RYR2: variants seen among roughly 807,000 people sequenced by gnomAD.
The protein encoded by RYR2 is cardiac muscle ryanodine receptor-calcium release channel.
Under a neutral mutation model 601.1 loss-of-function variants are expected in RYR2, and 227 were observed. That is an observed-to-expected ratio of 0.38 (90% CI 0.34 to 0.42). The LOEUF is 0.42. Among genes scored for constraint, RYR2 ranks in the 10% least tolerant of loss-of-function variants. The probability of loss-of-function intolerance (pLI) is 1.00; values close to 1 mark genes in which losing one functional copy is unlikely to be tolerated. For missense variants in RYR2, 4,646 were observed against 6,156.5 expected, an observed-to-expected ratio of 0.75 and a Z score of 8.21; for synonymous variants, 2,223 against 2,175.1, an observed-to-expected ratio of 1.02 and a Z score of -0.61.
At chr1:237,563,612 C>G (rs971394746) in intron 27 of RYR2, among the ~76,000 whole-genome samples, 3 of 152,028 alleles carry the variant, frequency 2.0e-5, no homozygotes, top group Admixed American at 6.6e-5. Context: ...GACTCAGAAA[C>G]TCTGCATTGT....
At chr1:237,687,536 G>T in intron 63 of RYR2, 32 bp downstream of exon 63, 1 of 1,563,728 alleles carries the variant, frequency 6.4e-7, no homozygotes, top group South Asian at 1.1e-5. Flanking sequence ...TACAAGCATG[G>T]CCATCACTTG....
chr1:237,089,731 CGT>C (rs1331800768), intron 1 of RYR2, among the ~76,000 whole-genome samples: 2 of 152,152 alleles, frequency 1.3e-5, no homozygotes, highest in East Asian at 3.9e-4. Flanking sequence ...GTGTATCCCA[CGT>C]GATGCTGAAA....
intron 1 of RYR2, among the ~76,000 whole-genome samples, chr1:237,200,904 T>C (rs573987560): frequency 6.6e-6 from 1 of 152,314 alleles, no homozygotes; most frequent in East Asian, 1.9e-4. Flanking sequence ...GTTGTTTGCT[T>C]AGGAGTCTCA....
intron 34 of RYR2, among the ~76,000 whole-genome samples, chr1:237,598,909 G>A (rs1086690): frequency 0.35 from 52,915 of 152,012 alleles, 11,026 homozygotes; most frequent in Admixed American, 0.48. Context: ...GACAAAGAAA[G>A]AGATGACTCA....
intron 24 of RYR2, among the ~76,000 whole-genome samples, chr1:237,525,955 G>T (rs191258204): frequency 6.8e-6 from 1 of 146,272 alleles, no homozygotes; most frequent in Admixed American, 7.2e-5. Flanking sequence ...ACTCCAGCCT[G>T]GGTGACAAGA....
At chr1:237,328,967 T>C (rs983408072) in intron 2 of RYR2, among the ~76,000 whole-genome samples, 14 of 152,312 alleles carry the variant, frequency 9.2e-5, no homozygotes, top group African/African-American at 2.4e-4. Context: ...AGATCCTCCA[T>C]TGAACATTTG....
chr1:237,226,804 T>C (rs1417371184), intron 1 of RYR2, among the ~76,000 whole-genome samples: 1 of 152,166 alleles, frequency 6.6e-6, no homozygotes, highest in African/African-American at 2.4e-5. Context: ...AGTCTCACTC[T>C]GTCACCCAGG....
At chr1:237,226,002 C>G (rs1305496745) in intron 1 of RYR2, among the ~76,000 whole-genome samples, 1 of 150,266 alleles carries the variant, frequency 6.7e-6, no homozygotes, top group Non-Finnish European at 1.5e-5. Context: ...TTGCAGTGAG[C>G]AGAGATTGTG....
chr1:237,279,744 C>T (rs1690663480), intron 2 of RYR2, among the ~76,000 whole-genome samples: 1 of 152,054 alleles, frequency 6.6e-6, no homozygotes, highest in Non-Finnish European at 1.5e-5. Flanking sequence ...CAGTGCTGCC[C>T]CTACAAAAGG....
At chr1:237,576,040 G>A (rs1209379052) in intron 29 of RYR2, among the ~76,000 whole-genome samples, 1 of 152,078 alleles carries the variant, frequency 6.6e-6, no homozygotes, top group Non-Finnish European at 1.5e-5. Flanking sequence ...CTAACAGAAG[G>A]TATATAATAC....
chr1:237,359,814 A>G (rs1245262577), intron 4 of RYR2, among the ~76,000 whole-genome samples: 1 of 152,198 alleles, frequency 6.6e-6, no homozygotes, highest in Admixed American at 6.5e-5. Context: ...TGAGTACTGG[A>G]TAAGAAAGTA....
At chr1:237,322,023 C>A (rs976574052) in intron 2 of RYR2, among the ~76,000 whole-genome samples, 1 of 152,122 alleles carries the variant, frequency 6.6e-6, no homozygotes, top group Non-Finnish European at 1.5e-5. Flanking sequence ...AAAAACCTAG[C>A]AATTTAATTT....
chr1:237,250,541 G>A (rs1222988870), intron 1 of RYR2, among the ~76,000 whole-genome samples: 1 of 152,092 alleles, frequency 6.6e-6, no homozygotes, highest in East Asian at 1.9e-4. Flanking sequence ...TGTCCTGGCA[G>A]TCCTCCCTTT....
intron 1 of RYR2, among the ~76,000 whole-genome samples, chr1:237,262,189 T>C (rs1688589971): frequency 1.3e-5 from 2 of 149,314 alleles, no homozygotes; most frequent in African/African-American, 2.4e-5. Context: ...ATTGTCAGAA[T>C]CCAGTACTCC....
chr1:237,771,229 C>A (rs563825798), intron 85 of RYR2, among the ~76,000 whole-genome samples: 3 of 151,782 alleles, frequency 2.0e-5, no homozygotes, highest in South Asian at 4.2e-4. Context: ...GGAAACATAG[C>A]GAGACCCCCA....
At chr1:237,540,119 C>A (rs4347205) in intron 25 of RYR2, among the ~76,000 whole-genome samples, 32,896 of 152,008 alleles carry the variant, frequency 0.22, 3,707 homozygotes, top group Admixed American at 0.31. Context: ...CATCTTCCCT[C>A]ATTTATTGCA....
At chr1:237,067,555 G>A (rs753544735) in intron 1 of RYR2, among the ~76,000 whole-genome samples, 2 of 152,058 alleles carry the variant, frequency 1.3e-5, no homozygotes, top group Non-Finnish European at 2.9e-5. Flanking sequence ...GTCAGGTAGC[G>A]TGTTTTCTCT....
chr1:237,501,401 T>C (rs1664623460), intron 21 of RYR2, among the ~76,000 whole-genome samples: 1 of 152,194 alleles, frequency 6.6e-6, no homozygotes, highest in Non-Finnish European at 1.5e-5. Context: ...TATTCCTTTA[T>C]TCTCTGCCCA....
intron 25 of RYR2, among the ~76,000 whole-genome samples, chr1:237,544,953 A>C (rs574255151): frequency 1.2e-3 from 183 of 152,302 alleles, no homozygotes; most frequent in Non-Finnish European, 2.4e-3. Flanking sequence ...AAATAGGTGG[A>C]AATAAAAAGG....
Sources: allele counts gnomAD v4.1 joint callset (sites outside exome capture counted in the v4.1 genomes callset), GRCh38; gene constraint gnomAD v4.1.1; transcripts MANE v1.5; gene names NCBI Gene and HGNC (gene_info 2026-07-23, HGNC 2026-07-21).